NMNAT2: variants seen among roughly 807,000 people sequenced by gnomAD.
The protein encoded by NMNAT2 is nicotinamide nucleotide adenylyltransferase 2, also known as nicotinamide/nicotinic acid mononucleotide adenylyltransferase 2.
In NMNAT2, 11 loss-of-function variants were observed where a neutral mutation model predicts 41.6. The ratio of observed to expected loss-of-function variants is 0.26; its 90% CI spans 0.17 to 0.44. The LOEUF (loss-of-function observed/expected upper bound fraction) is 0.44, where lower values mean the gene tolerates loss of function less well. NMNAT2 is among the 20% of genes least tolerant of loss of function. NMNAT2 has a pLI of 1.00. For missense variants in NMNAT2, 288 were observed against 407.7 expected (o/e 0.71, Z 2.53); for synonymous variants, 148 against 151.2 (o/e 0.98, Z 0.16).
At chr1:183,300,344 G>A (rs1661816811) in intron 1 of NMNAT2, among the ~76,000 whole-genome samples, 1 of 151,744 alleles carries the variant, frequency 6.6e-6, no homozygotes, top group Non-Finnish European at 1.5e-5. Context: ...AGAGGTTGCA[G>A]TGAGCCGAGA....
intron 8 of NMNAT2, among the ~76,000 whole-genome samples, chr1:183,273,290 T>C (rs1661030615): frequency 3.9e-5 from 6 of 152,388 alleles, no homozygotes; most frequent in Middle Eastern, 6.8e-3. Flanking sequence ...CTTTTAAATG[T>C]AATTCAGCTG....
chr1:183,300,974 C>T (rs946893927), intron 1 of NMNAT2, among the ~76,000 whole-genome samples: 1 of 152,134 alleles, frequency 6.6e-6, no homozygotes, highest in Non-Finnish European at 1.5e-5. Context: ...TGGGATGGAA[C>T]CTGAGATCAG....
chr1:183,324,599 G>T (rs568333176), intron 1 of NMNAT2, among the ~76,000 whole-genome samples: 1 of 152,108 alleles, frequency 6.6e-6, no homozygotes, highest in Non-Finnish European at 1.5e-5. Context: ...GGCTTTCTTT[G>T]AGTTCCTCTG....
intron 1 of NMNAT2, among the ~76,000 whole-genome samples, chr1:183,415,949 T>TGTCC (rs1454264266): frequency 4.6e-5 from 7 of 152,284 alleles, no homozygotes; most frequent in African/African-American, 1.7e-4. Flanking sequence ...CTCTCTGAAT[T>TGTCC]ATACTTTAAT....
intron 1 of NMNAT2, among the ~76,000 whole-genome samples, chr1:183,303,327 G>A (rs901161724): frequency 6.6e-6 from 1 of 152,196 alleles, no homozygotes; most frequent in Non-Finnish European, 1.5e-5. Context: ...CTGACCATTT[G>A]CTGGTGATCT....
At position 183,277,956 on chromosome 1, in the gene NMNAT2, G is replaced by A. The variant is rs187477726; in HGVS notation, c.651+597C>T. ...AATGAATTAATGAAGGAATAAGAAC[G>A]AACGTATGTGTGAAGAGTGAGTAAT... On this transcript the variant is annotated intron_variant, in intron 8 of 10. Coordinates refer to ENST00000287713, the MANE Select transcript of NMNAT2 (RefSeq NM_015039.4). Among the ~76,000 whole-genome samples, 104 of 152,294 alleles carry A rather than the reference G, an allele frequency of 6.8e-4. 1 individual carries two copies. Among genetic ancestry groups the A allele is most frequent in the African/African-American group, 2.3e-3 (96 of 41,572 alleles).
intron 8 of NMNAT2, among the ~76,000 whole-genome samples, chr1:183,277,069 T>G (rs2102295691): frequency 6.6e-6 from 1 of 152,314 alleles, no homozygotes; most frequent in Middle Eastern, 3.4e-3. Flanking sequence ...TGAGCGTGAC[T>G]GTATGTCAGG....
chr1:183,263,966 A>G (rs1204722737), intron 8 of NMNAT2, among the ~76,000 whole-genome samples: 1 of 152,186 alleles, frequency 6.6e-6, no homozygotes, highest in Non-Finnish European at 1.5e-5. Context: ...AAATTGGCAG[A>G]GAAAGAGATA....
chr1:183,389,736 A>AAAGG (rs1648382178), intron 1 of NMNAT2, among the ~76,000 whole-genome samples: 1 of 76,426 alleles, frequency 1.3e-5, no homozygotes, highest in Admixed American at 1.6e-4. Flanking sequence ...ACCCTGTCAA[A>AAAGG]AAAGAAAGAA....
At chr1:183,404,099 A>ATTT (rs10655990) in intron 1 of NMNAT2, among the ~76,000 whole-genome samples, 3,977 of 138,456 alleles carry the variant, frequency 0.029, 139 homozygotes, top group East Asian at 0.12. Flanking sequence ...CAGAAATGTA[A>ATTT]TTTTTTTTTT....
Position 183,252,596 on chromosome 1 carries a change from G to T in NMNAT2, c.*45C>A. 1 of 1,310,392 alleles carries T rather than the reference G, an allele frequency of 7.6e-7. No homozygotes were observed. The highest frequency in any genetic ancestry group is 1.2e-5 in the South Asian group (1 of 85,034). The allele number at this position is 1,310,392 out of a possible 1,614,324, so 81.2% of individuals were successfully genotyped here. On this transcript the variant is annotated 3_prime_UTR_variant, in exon 11 of 11. Coordinates refer to ENST00000287713, the MANE Select transcript of NMNAT2 (RefSeq NM_015039.4). Reference sequence around the variant, plus strand: ...AGAGGCAGGAGAGAAACAGGGGGCTGACAAAGATGGAGGGGCCATTGTGTT... The same window carrying T: ...AGAGGCAGGAGAGAAACAGGGGGCTTACAAAGATGGAGGGGCCATTGTGTT...
intron 1 of NMNAT2, among the ~76,000 whole-genome samples, chr1:183,377,746 A>G (rs1173928098): frequency 2.0e-5 from 3 of 152,248 alleles, no homozygotes; most frequent in Non-Finnish European, 4.4e-5. Flanking sequence ...AAAGGCAAAG[A>G]AAAACGAAGT....
At chr1:183,347,475 A>G (rs553001025) in intron 1 of NMNAT2, among the ~76,000 whole-genome samples, 1 of 152,242 alleles carries the variant, frequency 6.6e-6, no homozygotes, top group African/African-American at 2.4e-5. Flanking sequence ...GATGATGATA[A>G]TAATAATAAT....
chr1:183,292,707 C>G lies in NMNAT2; in HGVS notation c.242+83G>C, dbSNP rs1024740753. The G allele has an allele frequency of 3.1e-6, 4 of 1,287,676 alleles. No individual in the cohort carries two copies. In the African/African-American group the frequency reaches 5.8e-5, roughly 19 times the overall value. 79.8% of individuals were successfully genotyped at this position (1,287,676 alleles called of 1,614,324 possible). A position where few individuals can be genotyped will look rare whatever the true frequency, so the allele number is the denominator to read the frequency against. On this transcript the variant is annotated intron_variant, in intron 3 of 10. Transcript: ENST00000287713. Reference sequence around the variant, plus strand: ...CCCCATCCTTTCAGGATCCAAATTACTGCTGGAACTCTTCTTTTTTCCCCA... The same window carrying G: ...CCCCATCCTTTCAGGATCCAAATTAGTGCTGGAACTCTTCTTTTTTCCCCA...
At chr1:183,288,521 C>T (rs1661451989) in intron 4 of NMNAT2, among the ~76,000 whole-genome samples, 1 of 152,226 alleles carries the variant, frequency 6.6e-6, no homozygotes, top group South Asian at 2.1e-4. Flanking sequence ...GACTTATACC[C>T]TGGGCATAAG....
rs188930953 is a variant in NMNAT2 at position 183,257,332 on chromosome 1, T to G, written c.821+3670A>C. Among the ~76,000 whole-genome samples the G allele has an allele frequency of 1.6e-4, 24 of 151,974 alleles. 1 individual carries two copies. The highest frequency in any genetic ancestry group is 3.4e-4 in the Non-Finnish European group (23 of 67,960). ...GGCAGGCACCTGTAATCCCAGCTAC[T>G]TGGGAGGCTGAGGCAGGAGAATCAC... On this transcript the variant is annotated intron_variant, in intron 10 of 10. Transcript: ENST00000287713.
At chr1:183,348,802 C>T (rs951099706) in intron 1 of NMNAT2, among the ~76,000 whole-genome samples, 13 of 152,204 alleles carry the variant, frequency 8.5e-5, no homozygotes, top group Admixed American at 8.5e-4. Flanking sequence ...TCTGAGTTCC[C>T]TATTTCAGTC....
chr1:183,345,748 G>A (rs888730501), intron 1 of NMNAT2, among the ~76,000 whole-genome samples: 1 of 150,494 alleles, frequency 6.6e-6, no homozygotes, highest in Admixed American at 6.6e-5. Context: ...GCGCAGTGGC[G>A]CGATCTCGGC....
chr1:183,338,443 A>G (rs1662725802), intron 1 of NMNAT2, among the ~76,000 whole-genome samples: 1 of 152,188 alleles, frequency 6.6e-6, no homozygotes, highest in African/African-American at 2.4e-5. Flanking sequence ...CCTTAGCTTT[A>G]TGTTCTGGTT....
Sources: allele counts gnomAD v4.1 joint callset (sites outside exome capture counted in the v4.1 genomes callset), GRCh38; gene constraint gnomAD v4.1.1; transcripts MANE v1.5; gene names NCBI Gene and HGNC (gene_info 2026-07-23, HGNC 2026-07-21).